The following ADAM17 variants were observed in gnomAD, a reference collection of about 807,000 sequenced individuals.
ADAM17 encodes disintegrin and metalloproteinase domain-containing protein 17.
In ADAM17, 39 loss-of-function variants were observed where a neutral mutation model predicts 96.7. The ratio of observed to expected loss-of-function variants is 0.40; its 90% CI spans 0.31 to 0.53. The LOEUF is 0.53. Ranked by LOEUF, ADAM17 falls within the 20% of genes least tolerant of loss-of-function variation. ADAM17 has a pLI of 0.44. For missense variants in ADAM17, 777 were observed against 1,013.2 expected (o/e 0.77, Z 3.17); for synonymous variants, 344 against 359.2 (o/e 0.96, Z 0.48).
chr2:9,494,126 G>A (rs1265853759), intron 15 of ADAM17, among the ~76,000 whole-genome samples: 1 of 152,062 alleles, frequency 6.6e-6, no homozygotes, highest in Non-Finnish European at 1.5e-5. Context: ...ATACACAGTG[G>A]ACAGTGAACA....
chr2:9,495,250 A>G (rs1298638780), intron 14 of ADAM17, among the ~76,000 whole-genome samples: 4 of 152,242 alleles, frequency 2.6e-5, no homozygotes, highest in Admixed American at 6.5e-5. Context: ...CCCTGCAGCC[A>G]AAGCTCCACA....
At chr2:9,523,951 C>T (rs1664415328) in intron 6 of ADAM17, among the ~76,000 whole-genome samples, 1 of 151,458 alleles carries the variant, frequency 6.6e-6, no homozygotes, top group African/African-American at 2.4e-5. Context: ...TCATAGCTCA[C>T]TACAGCCTGA....
At chr2:9,532,945 C>G (rs1182220897) in intron 4 of ADAM17, among the ~76,000 whole-genome samples, 1 of 152,104 alleles carries the variant, frequency 6.6e-6, no homozygotes, top group Admixed American at 6.5e-5. Context: ...AATCTCAGCA[C>G]TTTGGGAGGC....
At chr2:9,511,493 G>T (rs1027654133) in intron 10 of ADAM17, among the ~76,000 whole-genome samples, 6 of 151,876 alleles carry the variant, frequency 4.0e-5, no homozygotes, top group African/African-American at 1.5e-4. Flanking sequence ...ACAAAACAAT[G>T]TTTTATTTTC....
intron 2 of ADAM17, among the ~76,000 whole-genome samples, chr2:9,537,967 A>AAGGGAAGGGG (rs1233514861): frequency 5.3e-5 from 1 of 18,702 alleles, no homozygotes; most frequent in African/African-American, 2.6e-4. Flanking sequence ...AAGAGAGGGG[A>AAGGGAAGGGG]AGGGAAGGGG....
At chr2:9,545,737 T>C (rs1164694145) in intron 1 of ADAM17, among the ~76,000 whole-genome samples, 1 of 152,178 alleles carries the variant, frequency 6.6e-6, no homozygotes, top group East Asian at 1.9e-4. Context: ...TTGGATGTTG[T>C]AACACTTCCA....
chr2:9,522,136 A>G, intron 7 of ADAM17: 1 of 318,054 alleles, frequency 3.1e-6, no homozygotes, highest in African/African-American at 2.1e-5. Flanking sequence ...CTGAAACTCA[A>G]ACATGATGCA....
intron 1 of ADAM17, among the ~76,000 whole-genome samples, chr2:9,551,065 T>A (rs191048427): frequency 6.7e-6 from 1 of 149,650 alleles, no homozygotes; most frequent in African/African-American, 2.5e-5. Flanking sequence ...ACAGTGAGAC[T>A]CTGTCTCAAA....
chr2:9,505,571 A>T, intron 11 of ADAM17: 1 of 582,396 alleles, frequency 1.7e-6, no homozygotes, highest in Non-Finnish European at 3.0e-6. Flanking sequence ...TAAATGGCTG[A>T]TGTGAACTTG....
chr2:9,550,846 T>C (rs1423668347), intron 1 of ADAM17, among the ~76,000 whole-genome samples: 1 of 138,532 alleles, frequency 7.2e-6, no homozygotes, highest in Non-Finnish European at 1.5e-5. Flanking sequence ...TCACCAGAGG[T>C]CAGGAGTTCA....
intron 1 of ADAM17, among the ~76,000 whole-genome samples, chr2:9,550,563 A>T (rs1025865611): frequency 1.7e-4 from 25 of 147,760 alleles, no homozygotes; most frequent in African/African-American, 6.3e-4. Context: ...CTCCTGCCTC[A>T]GTCTCCCCAG....
chr2:9,540,461 A>C (rs1376958408), intron 2 of ADAM17, among the ~76,000 whole-genome samples: 1 of 152,194 alleles, frequency 6.6e-6, no homozygotes, highest in Non-Finnish European at 1.5e-5. Context: ...TAAATTACAG[A>C]AAATAAGTAC....
At chr2:9,497,950 A>G (rs966314703) in intron 13 of ADAM17, among the ~76,000 whole-genome samples, 1 of 152,150 alleles carries the variant, frequency 6.6e-6, no homozygotes, top group Non-Finnish European at 1.5e-5. Context: ...CATGACAGCA[A>G]TGATCAAATC....
chr2:9,528,451 T>C (rs1023103084), intron 4 of ADAM17, among the ~76,000 whole-genome samples: 2 of 152,212 alleles, frequency 1.3e-5, no homozygotes, highest in African/African-American at 2.4e-5. Context: ...CATATTTATA[T>C]GAAAGAAAAC....
Position 9,531,658 on chromosome 2 carries a change from C to T in ADAM17, c.451-3704G>A, listed in dbSNP as rs13409612. 3.9e-3 allele frequency among the ~76,000 whole-genome samples: 594 copies of T among 152,154 alleles called. 2 individuals carry two copies. The highest frequency in any genetic ancestry group is 0.012 in the African/African-American group (508 of 41,510). On this transcript the variant is annotated intron_variant, in intron 4 of 18. Coordinates refer to ENST00000310823, the MANE Select transcript of ADAM17 (RefSeq NM_003183.6). ...CGGAGACTGCAGTGAGCCGAGATTGCGCCACTGCACTCCAGCCTGGGCGAC... is the reference window on the plus strand; with the variant it reads ...CGGAGACTGCAGTGAGCCGAGATTGTGCCACTGCACTCCAGCCTGGGCGAC...
chr2:9,511,447 T>G (rs929685737), intron 10 of ADAM17, among the ~76,000 whole-genome samples: 1 of 151,248 alleles, frequency 6.6e-6, no homozygotes, highest in Admixed American at 6.6e-5. Context: ...TGAAACTCTA[T>G]CTTAAAAAAA....
chr2:9,505,024 T>G, intron 12 of ADAM17, 142 bp downstream of exon 12: 1 of 936,340 alleles, frequency 1.1e-6, no homozygotes. Flanking sequence ...TTTCTTGCTG[T>G]GAAGGGCAAA....
At chr2:9,512,209 T>G (rs1264065566) in intron 10 of ADAM17, 1 of 151,954 alleles carries the variant, frequency 6.6e-6, no homozygotes, top group Non-Finnish European at 1.5e-5. Context: ...AAGAGAAATA[T>G]CTCCTAACTG....
rs749860291 is a variant in ADAM17, at chr2:9,490,272, C to T, written c.2380G>A (p.Asp794Asn). Residue 794 changes from aspartate to asparagine, a missense_variant, in exon 19 of 19, where the codon GAT (aspartate) becomes AAT (asparagine). Coordinates refer to ENST00000310823, the MANE Select transcript of ADAM17 (RefSeq NM_003183.6). ...CTGGTGACCGGATGGTCCGTGAGAT[C>T]CTCAAATGACTTGGCAGCTGTGCTG... ...NSSTAAKSFE[D>N]LTDHPVTRSE... The T allele has an allele frequency of 1.8e-5, 29 of 1,614,070 alleles. No individual in the cohort carries two copies. The highest frequency in any genetic ancestry group is 1.3e-5 in the African/African-American group (1 of 74,930).
Sources: gnomAD v4.1 joint callset for allele counts (sites outside exome capture counted in the v4.1 genomes callset) on GRCh38, gnomAD v4.1.1 for gene constraint, MANE v1.5 for transcripts, NCBI Gene and HGNC (gene_info 2026-07-23, HGNC 2026-07-21) for gene names.